The following RIMBP2 variants were observed in gnomAD, a reference collection of about 807,000 sequenced individuals.
RIMBP2 encodes RIMS-binding protein 2.
RIMBP2 carries 48 observed loss-of-function variants against 118.6 expected under a neutral mutation model. That is an observed-to-expected ratio of 0.40 (90% CI 0.32 to 0.51). RIMBP2 has a LOEUF of 0.51. Among genes scored for constraint, RIMBP2 ranks in the 20% least tolerant of loss-of-function variants. RIMBP2 has a pLI of 0.41. For missense variants in RIMBP2, 1,551 were observed against 1,768.3 expected (o/e 0.88, Z 2.20); for synonymous variants, 762 against 742.9 (o/e 1.03, Z -0.42).
chr12:130,424,241 T>C lies in RIMBP2; in HGVS notation c.3030A>G (p.Gln1010=). ...TTTTCTTCCAGACACCCCGAAAATC[T>C]TGGTGCTCGGTGGGCTCGCCCCAGC... ...KHGWGEPTEH[Q]DFRGVWKKSI... Residue 1010 remains glutamine (Q), a synonymous_variant, in exon 16 of 23, where the codon CAA becomes CAG. Transcript: ENST00000690449. The surrounding 1 kb of genome is among the most constrained non-coding windows in gnomAD (Gnocchi z 9.8). The C allele has an allele frequency of 1.6e-6, 2 of 1,231,966 alleles. No homozygotes were observed. The highest frequency in any genetic ancestry group is 2.0e-6 in the Non-Finnish European group (2 of 987,924). 76.3% of individuals were successfully genotyped at this position (1,231,966 alleles called of 1,614,324 possible).
chr12:130,438,350 C>T lies in RIMBP2; in HGVS notation c.1656+15G>A. ...GGCCTAACAAACCCTCCCCACCCAC[C>T]CAACGAAAACTCACCCTCTGCCCTT... On this transcript the variant is annotated intron_variant, in intron 12 of 22. Transcript: ENST00000690449. The T allele has an allele frequency of 6.3e-7, 1 of 1,583,330 alleles. No homozygotes were observed. The highest frequency in any genetic ancestry group is 1.3e-5 in the African/African-American group (1 of 74,754).
chr12:130,502,923 G>A (rs1307268609), intron 4 of RIMBP2, among the ~76,000 whole-genome samples: 1 of 152,144 alleles, frequency 6.6e-6, no homozygotes, highest in Non-Finnish European at 1.5e-5. Context: ...CCTTGGTAGG[G>A]ATGGAGGGGA....
In RIMBP2 at chr12:130,396,505, A is replaced by G. The variant is rs1309829086; in HGVS notation, c.*856T>C. On this transcript the variant is annotated 3_prime_UTR_variant, in exon 23 of 23. Transcript: ENST00000690449. The stretch of plus-strand genomic sequence containing the variant: ...TATGGACTCATTTGGAGCAGATTTA[A>G]ATTGAGTCTGGTTTTGGTGTGGCTT... The G allele has an allele frequency of 3.9e-5, 6 of 152,640 alleles. No individual in the cohort carries two copies. The highest frequency in any genetic ancestry group is 1.4e-4 in the African/African-American group (6 of 41,468). The allele number at this position is 152,640 out of a possible 1,614,324, so 9.5% of individuals were successfully genotyped here. A position where few individuals can be genotyped will look rare whatever the true frequency, so the allele number is the denominator to read the frequency against.
intron 2 of RIMBP2, among the ~76,000 whole-genome samples, chr12:130,554,118 GA>G (rs1258184184): frequency 6.6e-6 from 1 of 152,150 alleles, no homozygotes; most frequent in Non-Finnish European, 1.5e-5. Flanking sequence ...AAAAAAGAGA[GA>G]GAAAGCATAT....
intron 2 of RIMBP2, among the ~76,000 whole-genome samples, chr12:130,539,550 T>A (rs1015296629): frequency 6.9e-6 from 1 of 145,514 alleles, no homozygotes; most frequent in Non-Finnish European, 1.5e-5. Context: ...GGTGGCCAGG[T>A]GTAGGATATG....
At chr12:130,497,332 C>A (rs1041324976) in intron 4 of RIMBP2, among the ~76,000 whole-genome samples, 7 of 152,232 alleles carry the variant, frequency 4.6e-5, no homozygotes, top group African/African-American at 1.7e-4. Context: ...TCCGTAATCA[C>A]TGATTCTGCT....
chr12:130,568,080 T>C (rs1275895756), intron 2 of RIMBP2, among the ~76,000 whole-genome samples: 1 of 152,212 alleles, frequency 6.6e-6, no homozygotes, highest in Non-Finnish European at 1.5e-5. Flanking sequence ...TAACATCAGG[T>C]GTCCCTCCAT....
intron 1 of RIMBP2, among the ~76,000 whole-genome samples, chr12:130,630,580 C>T (rs118025474): frequency 0.01 from 1,596 of 152,192 alleles, 11 homozygotes; most frequent in Non-Finnish European, 0.015. Flanking sequence ...TAAAGGATCT[C>T]TGAGTGCTCT....
chr12:130,476,224 C>T (rs2081412668), intron 5 of RIMBP2, among the ~76,000 whole-genome samples: 1 of 152,202 alleles, frequency 6.6e-6, no homozygotes. Flanking sequence ...TAAGCTCATG[C>T]ATGGGTGACA....
intron 17 of RIMBP2, among the ~76,000 whole-genome samples, chr12:130,421,585 T>C (rs1205112349): frequency 1.3e-5 from 2 of 152,218 alleles, no homozygotes; most frequent in Non-Finnish European, 2.9e-5. Context: ...GGCTTTTCAG[T>C]GGCCTAGACT....
At chr12:130,570,992 C>A (rs944595760) in intron 2 of RIMBP2, among the ~76,000 whole-genome samples, 83 of 152,122 alleles carry the variant, frequency 5.5e-4, no homozygotes, top group Admixed American at 5.4e-3. Context: ...CAGGCAAAGG[C>A]CCTGCCCTCA....
chr12:130,672,392 G>A (rs773518545), intron 1 of RIMBP2, among the ~76,000 whole-genome samples: 4 of 152,224 alleles, frequency 2.6e-5, no homozygotes, highest in South Asian at 2.1e-4. Flanking sequence ...GCTTCACAGC[G>A]GTAGGGTGGA....
intron 4 of RIMBP2, among the ~76,000 whole-genome samples, chr12:130,496,738 T>C (rs755370720): frequency 5.3e-5 from 8 of 152,094 alleles, no homozygotes; most frequent in Non-Finnish European, 8.8e-5. Flanking sequence ...CACCTTTCTC[T>C]CACCTGCAGG....
intron 1 of RIMBP2, among the ~76,000 whole-genome samples, chr12:130,685,720 C>G (rs1403458562): frequency 2.6e-5 from 4 of 152,162 alleles, no homozygotes; most frequent in African/African-American, 9.7e-5. Flanking sequence ...AAAAGCAGAT[C>G]ACTCCAAACA....
At chr12:130,509,532 G>A (rs1188715842) in intron 3 of RIMBP2, among the ~76,000 whole-genome samples, 2 of 152,212 alleles carry the variant, frequency 1.3e-5, no homozygotes, top group Non-Finnish European at 2.9e-5. Flanking sequence ...ACAGCCCTAA[G>A]GGCAGCTGCA....
intron 2 of RIMBP2, among the ~76,000 whole-genome samples, chr12:130,606,275 T>C (rs2140499305): frequency 6.6e-6 from 1 of 152,300 alleles, no homozygotes; most frequent in East Asian, 1.9e-4. Flanking sequence ...AAAAACGTTC[T>C]CCCAAATTAA....
chr12:130,612,121 A>G (rs2060593591), intron 2 of RIMBP2, among the ~76,000 whole-genome samples: 1 of 152,054 alleles, frequency 6.6e-6, no homozygotes, highest in South Asian at 2.1e-4. Flanking sequence ...AGCACAGCTC[A>G]GAGTCACGCA....
At position 130,578,755 on chromosome 12, in the gene RIMBP2, A is replaced by C. The variant is rs1247671053; in HGVS notation, c.-217+49567T>G. Among the ~76,000 whole-genome samples the C allele has an allele frequency of 6.6e-6, 1 of 152,136 alleles. No homozygotes were observed. On this transcript the variant is annotated intron_variant, in intron 2 of 22. Coordinates refer to ENST00000690449, the MANE Select transcript of RIMBP2 (RefSeq NM_001393629.1). The surrounding 1 kb of genome is among the most constrained non-coding windows in gnomAD (Gnocchi z 4.1). The stretch of plus-strand genomic sequence containing the variant: ...ACACTTGGCTTGTGCCTTCCACTGC[A>C]CGCTCCACTATCTGAAGTCGCAGGT...
intron 11 of RIMBP2, 80 bp from the exon 12 acceptor site, chr12:130,438,596 A>G (rs2077734588): frequency 8.1e-7 from 1 of 1,238,234 alleles, no homozygotes; most frequent in African/African-American, 1.5e-5. Context: ...TGCCCATCTC[A>G]CCTGGAAACG....
Sources: allele counts gnomAD v4.1 joint callset (sites outside exome capture counted in the v4.1 genomes callset), GRCh38; gene constraint gnomAD v4.1.1; non-coding constraint Gnocchi (gnomAD v3.1); transcripts MANE v1.5; gene names NCBI Gene and HGNC (gene_info 2026-07-23, HGNC 2026-07-21).